The following MAP3K9 variants were observed in gnomAD, a reference collection of about 807,000 sequenced individuals.
MAP3K9 encodes the protein mitogen-activated protein kinase kinase kinase 9, also known as mixed lineage kinase 1 (tyr and ser/thr specificity).
In MAP3K9, 46 loss-of-function variants were observed where a neutral mutation model predicts 95.8. That is an observed-to-expected ratio of 0.48 (90% CI 0.38 to 0.61). The LOEUF (loss-of-function observed/expected upper bound fraction) is 0.61. Among genes scored for constraint, MAP3K9 ranks in the 20% least tolerant of loss-of-function variants. MAP3K9 has a pLI of 0.00. For synonymous variants in MAP3K9, 533 were observed against 593.8 expected, an observed-to-expected ratio of 0.90 and a Z score of 1.49; for missense variants, 1,296 against 1,474.3, an observed-to-expected ratio of 0.88 and a Z score of 1.98.
chr14:70,773,788 A>T (rs1418627708), intron 2 of MAP3K9, among the ~76,000 whole-genome samples: 3 of 152,228 alleles, frequency 2.0e-5, no homozygotes, highest in African/African-American at 7.2e-5. Flanking sequence ...AGAAGGAGGT[A>T]AGGCTCATGG....
At position 70,730,709 on chromosome 14, in the gene MAP3K9, G is replaced by A. The variant is rs1459689257; in HGVS notation, c.2986C>T (p.Arg996Cys). 22 of 1,613,768 alleles carry A rather than the reference G, an allele frequency of 1.4e-5. No homozygotes were observed. The highest frequency in any genetic ancestry group is 4.4e-5 in the South Asian group (4 of 91,080). Residue 996 changes from arginine to cysteine, a missense_variant, in exon 12 of 12, where the codon CGT (arginine) becomes TGT (cysteine). Arg to Cys is a radical substitution (Grantham distance 180, BLOSUM62 -3). Transcript: ENST00000554752. ...AGCCGTTGCCGGTTGGCAGAAGGAC[G>A]CGGCCGAGGCAGAAACTCCAGAGTC... ...PKTLEFLPRP[R>C]PSANRQRLDP...
At chr14:70,752,121 T>C (rs1396613861) in intron 3 of MAP3K9, among the ~76,000 whole-genome samples, 5 of 152,172 alleles carry the variant, frequency 3.3e-5, no homozygotes, top group African/African-American at 1.2e-4. Context: ...ACAAAAAGCC[T>C]GGTAGCCAGT....
Position 70,809,157 on chromosome 14 carries a change from T to C in MAP3K9, c.15A>G (p.Arg5=), listed in dbSNP as rs2055037593. MEPS[R]ALLGCLASAA... ...CGCTCGCTAGGCAGCCGAGAAGCGC[T>C]CTGGAGGGCTCCATGGAGCGGCCGA... The change falls in exon 1 of 12, where the codon AGA becomes AGG. Residue 5 remains arginine (R), a synonymous_variant. Transcript: ENST00000554752. The C allele has an allele frequency of 7.4e-7, 1 of 1,360,520 alleles. No homozygotes were observed. The highest frequency in any genetic ancestry group is 9.4e-7 in the Non-Finnish European group (1 of 1,064,954). 84.3% of individuals were successfully genotyped at this position (1,360,520 alleles called of 1,614,324 possible). A position where few individuals can be genotyped will look rare whatever the true frequency, so the allele number is the denominator to read the frequency against.
chr14:70,733,212 C>T lies in MAP3K9; in HGVS notation c.2157G>A (p.Glu719=). 6.2e-7 allele frequency: 1 copy of T among 1,611,530 alleles called. No homozygotes were observed. The highest frequency in any genetic ancestry group is 8.5e-7 in the Non-Finnish European group (1 of 1,178,162). ...GDGPSSDGIH[E]EPTPVNSATS... ...TGGCCGAGTTGACTGGGGTGGGCTC[C>T]TCATGGATTCCATCACTGGAGGGGC... The change falls in exon 11 of 12, where the codon GAG becomes GAA. Residue 719 remains glutamate (E), a synonymous_variant. Transcript: ENST00000554752.
intron 2 of MAP3K9, among the ~76,000 whole-genome samples, chr14:70,791,474 C>G (rs561387197): frequency 1.6e-4 from 24 of 152,292 alleles, no homozygotes; most frequent in African/African-American, 5.5e-4. Context: ...AATGAAGGCA[C>G]GTGGCCCACA....
chr14:70,790,068 C>T (rs1316749161), intron 2 of MAP3K9, among the ~76,000 whole-genome samples: 5 of 152,168 alleles, frequency 3.3e-5, no homozygotes, highest in African/African-American at 9.7e-5. Flanking sequence ...TAACTGTGTC[C>T]TGCTTCTAGG....
chr14:70,808,712 G>GC (rs1423353025), intron 1 of MAP3K9, 54 bp downstream of exon 1: 1 of 325,916 alleles, frequency 3.1e-6, no homozygotes, highest in Non-Finnish European at 4.3e-6. Flanking sequence ...TTCCCCGACC[G>GC]CCCCCCAGGC....
rs546698909 is a variant in MAP3K9, at chr14:70,738,498, G to T, written c.1691-100C>A. 8.2e-6 allele frequency: 9 copies of T among 1,103,960 alleles called. No homozygotes were observed. In the Admixed American group the frequency reaches 2.0e-4, roughly 25 times the overall value. The allele number at this position is 1,103,960 out of a possible 1,614,324, so 68.4% of individuals were successfully genotyped here. On this transcript the variant is annotated intron_variant, in intron 7 of 11. Coordinates refer to ENST00000554752, the MANE Select transcript of MAP3K9 (RefSeq NM_001284230.2). ...CACACACACACACACATTTGGAGCT[G>T]CAGGGAAGTTAGACCTTATCAAAAA...
chr14:70,754,942 C>T (rs2054278226), intron 3 of MAP3K9, among the ~76,000 whole-genome samples: 1 of 152,184 alleles, frequency 6.6e-6, no homozygotes, highest in African/African-American at 2.4e-5. Flanking sequence ...GAGGCAGTCC[C>T]CAATCCAAGC....
rs2054874635 is a variant in MAP3K9, at chr14:70,797,248, A to C, written c.820+3419T>G. On this transcript the variant is annotated intron_variant, in intron 2 of 11. Coordinates refer to ENST00000554752, the MANE Select transcript of MAP3K9 (RefSeq NM_001284230.2). ...CCTCACATGACAATGACCAAAATCC[A>C]ATTCTCTGGAACCCTTAACAAAGCA... 2.6e-5 allele frequency among the ~76,000 whole-genome samples: 4 copies of C among 152,122 alleles called. No individual in the cohort carries two copies. The South Asian group carries it at 8.3e-4, about 32-fold the overall frequency.
chr14:70,808,439 C>CA (rs769627272), intron 1 of MAP3K9, among the ~76,000 whole-genome samples: 1 of 83,934 alleles, frequency 1.2e-5, no homozygotes, highest in Non-Finnish European at 2.5e-5. Context: ...TGGGGGGCGG[C>CA]GGGGGGGTGG....
chr14:70,800,566 C>T, intron 2 of MAP3K9, 101 bp downstream of exon 2: 3 of 1,213,658 alleles, frequency 2.5e-6, no homozygotes, highest in Non-Finnish European at 2.3e-6. Context: ...CAAGGAGTTT[C>T]ACTGCCCTCT....
intron 3 of MAP3K9, among the ~76,000 whole-genome samples, chr14:70,753,779 T>C (rs2054262097): frequency 6.6e-6 from 1 of 152,088 alleles, no homozygotes; most frequent in African/African-American, 2.4e-5. Context: ...ATTAACCACC[T>C]CCCGAGGCTT....
chr14:70,803,337 T>TAAAAAAAAA (rs10583563), intron 1 of MAP3K9, among the ~76,000 whole-genome samples: 11 of 75,182 alleles, frequency 1.5e-4, no homozygotes, highest in Admixed American at 3.3e-4. Flanking sequence ...ATTCAGATCT[T>TAAAAAAAAA]AAAAAAAAAA....
At chr14:70,749,727 T>C in intron 4 of MAP3K9, 1 of 533,792 alleles carries the variant, frequency 1.9e-6, no homozygotes, top group Non-Finnish European at 3.3e-6. Context: ...ATTTCACTTC[T>C]ACAGTCCCTG....
chr14:70,794,990 C>CTTTTTTTTTTTTTTTTTTTTTTT (rs572010694), intron 2 of MAP3K9, among the ~76,000 whole-genome samples: 19 of 76,796 alleles, frequency 2.5e-4, no homozygotes, highest in Non-Finnish European at 2.8e-4. Context: ...TTTTCTTTTC[C>CTTTTTTTTTTTTTTTTTTTTTTT]TTTTTTTTTT....
intron 8 of MAP3K9, among the ~76,000 whole-genome samples, chr14:70,736,490 T>C (rs922111178): frequency 5.3e-5 from 8 of 152,170 alleles, no homozygotes; most frequent in African/African-American, 1.9e-4. Flanking sequence ...CAAGTCTGGA[T>C]AGAATATACT....
intron 8 of MAP3K9, among the ~76,000 whole-genome samples, chr14:70,737,503 A>G (rs900494477): frequency 1.3e-5 from 2 of 152,196 alleles, no homozygotes; most frequent in Non-Finnish European, 2.9e-5. Flanking sequence ...CCAGGACTCA[A>G]GCCCACGAGT....
Position 70,750,035 on chromosome 14 carries a change from G to GAAAGGGC in MAP3K9, c.1041_1047dup (p.Arg350AlafsTer6). ...GCGACTGCTAAGCCATCAATGCCTCGAAAGGGCACCTCACCAGTCAGCAAC... is the reference window on the plus strand; with the variant it reads ...GCGACTGCTAAGCCATCAATGCCTCGAAAGGGCAAAGGGCACCTCACCAGTCAGCAAC... On this transcript the variant is annotated frameshift_variant, in exon 4 of 12. Transcript: ENST00000554752. LOFTEE classifies it high-confidence loss of function. 6.2e-7 allele frequency: 1 copy of GAAAGGGC among 1,614,164 alleles called. No homozygotes were observed. Among genetic ancestry groups the GAAAGGGC allele is most frequent in the Non-Finnish European group, 8.5e-7 (1 of 1,180,028 alleles).
Sources: gnomAD v4.1 joint callset for allele counts (sites outside exome capture counted in the v4.1 genomes callset) on GRCh38, gnomAD v4.1.1 for gene constraint, MANE v1.5 for transcripts, NCBI Gene and HGNC (gene_info 2026-07-23, HGNC 2026-07-21) for gene names.